TSPAN7: variants seen among roughly 807,000 people sequenced by gnomAD.
The protein encoded by TSPAN7 is tetraspanin-7.
Under a neutral mutation model 17.6 loss-of-function variants are expected in TSPAN7, and 1 was observed. That is an observed-to-expected ratio of 0.06 (90% confidence interval 0.02 to 0.27). TSPAN7 has a LOEUF of 0.27. Ranked by LOEUF, TSPAN7 falls within the 10% of genes least tolerant of loss-of-function variation. TSPAN7 has a pLI of 1.00. For synonymous variants in TSPAN7, 78 were observed against 79.0 expected (o/e 0.99, Z 0.07); for missense variants, 112 against 201.7 (o/e 0.56, Z 2.69).
intron 1 of TSPAN7, among the ~76,000 whole-genome samples, chrX:38,586,826 C>T (rs2069260580): frequency 8.9e-6 from 1 of 111,958 alleles, no homozygotes; most frequent in African/African-American, 3.2e-5. Context: ...AGCATGTGCT[C>T]TTTAGCTATG....
At chrX:38,646,385 G>A (rs1037194353) in intron 1 of TSPAN7, 1 of 1,002,966 alleles carries the variant, frequency 1.0e-6, no homozygotes, top group Admixed American at 2.9e-5. Flanking sequence ...TGTGAAGGTA[G>A]TGTTTGTTTT....
intron 2 of TSPAN7, among the ~76,000 whole-genome samples, chrX:38,667,315 T>C (rs1362914369): frequency 8.9e-6 from 1 of 112,697 alleles, no homozygotes; most frequent in East Asian, 2.8e-4. Flanking sequence ...TCACTGTTCA[T>C]GTTCTTCACT....
At chrX:38,641,488 C>G (rs1222321206) in intron 1 of TSPAN7, among the ~76,000 whole-genome samples, 1 of 111,767 alleles carries the variant, frequency 8.9e-6, no homozygotes, top group African/African-American at 3.3e-5. Flanking sequence ...TACCCGATAG[C>G]GGAGTTCTCT....
At chrX:38,643,828 G>C (rs757950674) in intron 1 of TSPAN7, among the ~76,000 whole-genome samples, 20 of 111,683 alleles carry the variant, frequency 1.8e-4, no homozygotes, top group Middle Eastern at 4.7e-3. Context: ...CTGGGCGACA[G>C]AGCGAGACTC....
At chrX:38,684,130 T>C (rs539212585) in intron 6 of TSPAN7, among the ~76,000 whole-genome samples, 2 of 112,154 alleles carry the variant, frequency 1.8e-5, no homozygotes, top group Admixed American at 1.9e-4. Context: ...AAACTGGCCA[T>C]GCACATCTAT....
chrX:38,685,284 A>C (rs905977205), intron 6 of TSPAN7, among the ~76,000 whole-genome samples: 16 of 111,564 alleles, frequency 1.4e-4, no homozygotes, highest in Non-Finnish European at 2.8e-4. Context: ...CAGTTTTCTT[A>C]TCTGGAAAAC....
At chrX:38,646,403 C>G in intron 1 of TSPAN7, 6 of 842,075 alleles carry the variant, frequency 7.1e-6, no homozygotes, top group Non-Finnish European at 9.8e-6. Context: ...TTTTACTCTC[C>G]CTGAAGTGGC....
Position 38,675,773 on chromosome X carries a change from C to T in TSPAN7, c.510C>T (p.Ile170=). 2 of 1,208,446 alleles carry T rather than the reference C, an allele frequency of 1.7e-6. No homozygotes were observed. The highest frequency in any genetic ancestry group is 2.2e-6 in the Non-Finnish European group (2 of 893,079). Residue 170 remains isoleucine, a synonymous_variant, in exon 5 of 8, where the codon ATC becomes ATT. Coordinates refer to ENST00000378482, the MANE Select transcript of TSPAN7 (RefSeq NM_004615.4). The part of the protein sequence containing the change: ...STSPYFLEHG[I]PPSCCMNETD... ...GCCCCTACTTCCTGGAGCATGGCAT[C>T]CCCCCCAGCTGCTGCATGAACGAAA...
intron 1 of TSPAN7, among the ~76,000 whole-genome samples, chrX:38,648,932 AAAG>A (rs1487145501): frequency 9.0e-6 from 1 of 110,958 alleles, no homozygotes; most frequent in Non-Finnish European, 1.9e-5. Context: ...AAAAAAAAAA[AAAG>A]AAGTAACAGA....
intron 1 of TSPAN7, among the ~76,000 whole-genome samples, chrX:38,583,005 A>C (rs1395393616): frequency 9.0e-6 from 1 of 111,729 alleles, no homozygotes; most frequent in African/African-American, 3.3e-5. Flanking sequence ...CCTTTACAGC[A>C]GTTTCCTGGT....
chrX:38,687,557 G>A (rs2069933589), intron 6 of TSPAN7, 42 bp from the exon 7 acceptor site: 1 of 1,167,072 alleles, frequency 8.6e-7, no homozygotes, highest in African/African-American at 1.8e-5. Context: ...GTGTGGTTCG[G>A]TGACTTGAGA....
intron 1 of TSPAN7, among the ~76,000 whole-genome samples, chrX:38,579,197 T>C (rs2069213380): frequency 8.9e-6 from 1 of 112,019 alleles, no homozygotes. Flanking sequence ...TATAATTTTA[T>C]GTCTCAAAGG....
intron 1 of TSPAN7, among the ~76,000 whole-genome samples, chrX:38,624,885 C>T (rs957139103): frequency 8.9e-6 from 1 of 112,368 alleles, no homozygotes; most frequent in Non-Finnish European, 1.9e-5. Flanking sequence ...TTTTTTAAAG[C>T]TCCCCAGATG....
chrX:38,647,072 A>G (rs1286204788), intron 1 of TSPAN7, among the ~76,000 whole-genome samples: 1 of 112,062 alleles, frequency 8.9e-6, no homozygotes, highest in Non-Finnish European at 1.9e-5. Flanking sequence ...TGTGCTGCCT[A>G]TAGATTTTCT....
chrX:38,658,366 G>A (rs1234128592), intron 1 of TSPAN7, among the ~76,000 whole-genome samples: 2 of 107,075 alleles, frequency 1.9e-5, no homozygotes, highest in East Asian at 5.9e-4. Context: ...TTTTTTTAGA[G>A]ATGGGGTCTC....
rs780827823 is a variant in TSPAN7 at position 38,622,545 on chromosome X, T to A, written c.82-43576T>A. Among the ~76,000 whole-genome samples the A allele has an allele frequency of 1.3e-4, 15 of 111,208 alleles. No homozygotes were observed. In the East Asian group the frequency reaches 3.1e-3, roughly 23 times the overall value. On this transcript the variant is annotated intron_variant, in intron 1 of 7. Coordinates refer to ENST00000378482, the MANE Select transcript of TSPAN7 (RefSeq NM_004615.4). ...TTGCACTCAAGGCTGGGCCACAGGGTGAGACCCTGTATTTAAAGAAAAGAA... is the reference window on the plus strand; with the variant it reads ...TTGCACTCAAGGCTGGGCCACAGGGAGAGACCCTGTATTTAAAGAAAAGAA...
intron 1 of TSPAN7, among the ~76,000 whole-genome samples, chrX:38,632,625 T>C (rs1307669873): frequency 8.9e-6 from 1 of 112,680 alleles, no homozygotes; most frequent in East Asian, 2.8e-4. Context: ...ATTTCATAAT[T>C]TAATGTTTTA....
chrX:38,666,423 A>G, intron 2 of TSPAN7, 114 bp downstream of exon 2: 12 of 793,399 alleles, frequency 1.5e-5, no homozygotes, highest in Non-Finnish European at 2.2e-5. Flanking sequence ...TAACAATTTC[A>G]GTCCAGACTC....
At chrX:38,579,071 C>A (rs2069212620) in intron 1 of TSPAN7, among the ~76,000 whole-genome samples, 1 of 111,659 alleles carries the variant, frequency 9.0e-6, no homozygotes, top group Non-Finnish European at 1.9e-5. Context: ...TTTCTGTGTG[C>A]TTTTCTTTTC....
Sources: gnomAD v4.1 joint callset for allele counts (sites outside exome capture counted in the v4.1 genomes callset) on GRCh38, gnomAD v4.1.1 for gene constraint, MANE v1.5 for transcripts, NCBI Gene and HGNC (gene_info 2026-07-23, HGNC 2026-07-21) for gene names.